The following SOS1 variants were observed in gnomAD, a reference collection of about 807,000 sequenced individuals.
The protein encoded by SOS1 is SOS Ras/Rac guanine nucleotide exchange factor 1, also known as son of sevenless homolog 1.
In SOS1, 25 loss-of-function variants were observed where a neutral mutation model predicts 157.6. The ratio of observed to expected loss-of-function variants is 0.16; its 90% CI spans 0.12 to 0.22. SOS1 has a LOEUF of 0.22. Ranked by LOEUF, SOS1 falls within the 10% of genes least tolerant of loss-of-function variation. SOS1 has a pLI of 1.00. For missense variants in SOS1, 1,237 were observed against 1,599.1 expected, an observed-to-expected ratio of 0.77 and a Z score of 3.86; for synonymous variants, 528 against 534.0, an observed-to-expected ratio of 0.99 and a Z score of 0.16.
chr2:39,018,619 A>T (rs1189348739), intron 10 of SOS1, among the ~76,000 whole-genome samples: 2 of 151,830 alleles, frequency 1.3e-5, no homozygotes, highest in Non-Finnish European at 3.0e-5. Context: ...TGGAAGTGAT[A>T]ATCCAATCCT....
chr2:39,103,211 A>G (rs1673039203), intron 1 of SOS1, among the ~76,000 whole-genome samples: 1 of 152,196 alleles, frequency 6.6e-6, no homozygotes, highest in African/African-American at 2.4e-5. Context: ...GGAAGACTTA[A>G]TATTGTTGAC....
At chr2:39,093,269 A>G (rs1306888976) in intron 1 of SOS1, among the ~76,000 whole-genome samples, 1 of 152,232 alleles carries the variant, frequency 6.6e-6, no homozygotes, top group East Asian at 1.9e-4. Context: ...CCTGAAATGC[A>G]TGATCATCTA....
intron 1 of SOS1, among the ~76,000 whole-genome samples, chr2:39,115,752 T>A (rs953804753): frequency 6.6e-6 from 1 of 152,226 alleles, no homozygotes; most frequent in African/African-American, 2.4e-5. Context: ...TGTTCCTTTT[T>A]ATTGCTGAGT....
chr2:39,015,838 A>G (rs1669614692), intron 10 of SOS1, among the ~76,000 whole-genome samples: 3 of 141,846 alleles, frequency 2.1e-5, no homozygotes, highest in Non-Finnish European at 4.5e-5. Context: ...AGGAGGGGAA[A>G]GTTCAGTAAC....
At chr2:39,003,141 C>T (rs1669167698) in intron 17 of SOS1, among the ~76,000 whole-genome samples, 1 of 150,234 alleles carries the variant, frequency 6.7e-6, no homozygotes, top group South Asian at 2.1e-4. Context: ...TTTTTTTAAA[C>T]CTCATAAGAT....
chr2:39,060,480 G>A (rs1183091555), intron 2 of SOS1, among the ~76,000 whole-genome samples: 1 of 152,178 alleles, frequency 6.6e-6, no homozygotes, highest in African/African-American at 2.4e-5. Flanking sequence ...AGGCTGGAGT[G>A]CAGTGGTGCA....
At chr2:39,023,316 C>T (rs956006193) in intron 9 of SOS1, 91 bp from the exon 10 acceptor site, 1 of 895,804 alleles carries the variant, frequency 1.1e-6, no homozygotes, top group East Asian at 2.5e-5. Flanking sequence ...TAGATTTTTA[C>T]AAGTCTCACT....
chr2:39,052,635 T>C (rs1671059914), intron 5 of SOS1, among the ~76,000 whole-genome samples: 1 of 152,232 alleles, frequency 6.6e-6, no homozygotes, highest in South Asian at 2.1e-4. Context: ...TATTTCTTTT[T>C]ATTCCTGAGT....
intron 1 of SOS1, among the ~76,000 whole-genome samples, chr2:39,095,757 G>C (rs1379992919): frequency 6.6e-6 from 1 of 152,190 alleles, no homozygotes; most frequent in Non-Finnish European, 1.5e-5. Flanking sequence ...AGGACAGAGA[G>C]GAATCATTAG....
At chr2:39,014,706 A>T in intron 11 of SOS1, 59 bp downstream of exon 11, 1 of 903,398 alleles carries the variant, frequency 1.1e-6, no homozygotes, top group Non-Finnish European at 1.8e-6. Context: ...AAAGGATCTT[A>T]GCTCAATCTC....
chr2:39,119,655 G>A lies in SOS1; in HGVS notation c.87+681C>T, dbSNP rs142856413. ...AAACATTTAAAAGCACAGATCGGGG[G>A]TATGTAACTTCAGGTAACAATGTAG... is the stretch of plus-strand genomic sequence containing the variant. On this transcript the variant is annotated intron_variant, in intron 1 of 22. Transcript: ENST00000402219. Among the ~76,000 whole-genome samples, 709 of 152,298 alleles carry A rather than the reference G, an allele frequency of 4.7e-3. 3 individuals are homozygous for A. The highest frequency in any genetic ancestry group is 7.8e-3 in the Non-Finnish European group (529 of 68,026).
intron 1 of SOS1, among the ~76,000 whole-genome samples, chr2:39,082,138 G>C (rs570576124): frequency 1.3e-5 from 2 of 152,008 alleles, no homozygotes; most frequent in African/African-American, 4.8e-5. Context: ...TCAAATACTA[G>C]GTCTTATTCA....
intron 2 of SOS1, among the ~76,000 whole-genome samples, chr2:39,064,401 A>G (rs980835594): frequency 6.6e-6 from 1 of 152,204 alleles, no homozygotes; most frequent in African/African-American, 2.4e-5. Context: ...TTTGGACCAT[A>G]GCAAATGGTG....
At chr2:39,081,365 C>A (rs1233163201) in intron 1 of SOS1, among the ~76,000 whole-genome samples, 3 of 151,536 alleles carry the variant, frequency 2.0e-5, no homozygotes, top group Non-Finnish European at 4.4e-5. Context: ...AATAAAAATA[C>A]AAAAATTAGC....
intron 2 of SOS1, 121 bp downstream of exon 2, chr2:39,067,507 C>A (rs1671629213): frequency 7.8e-6 from 7 of 893,756 alleles, no homozygotes; most frequent in Non-Finnish European, 1.3e-5. Context: ...AGAGTTAAAT[C>A]CAGGCTTCAT....
chr2:39,082,866 T>C (rs976951482), intron 1 of SOS1, among the ~76,000 whole-genome samples: 7 of 152,094 alleles, frequency 4.6e-5, no homozygotes. Flanking sequence ...GACTGGGTGG[T>C]CTTCAGTATG....
intron 17 of SOS1, among the ~76,000 whole-genome samples, chr2:39,002,475 G>T (rs1471335798): frequency 2.6e-5 from 4 of 152,180 alleles, no homozygotes; most frequent in Admixed American, 1.3e-4. Context: ...GGGTCCTGAG[G>T]TTTCTTTTCA....
intron 2 of SOS1, among the ~76,000 whole-genome samples, chr2:39,059,904 A>C (rs1671341240): frequency 6.6e-6 from 1 of 152,164 alleles, no homozygotes; most frequent in Non-Finnish European, 1.5e-5. Context: ...TGTTGAAAGA[A>C]ATTATAGCAG....
intron 1 of SOS1, among the ~76,000 whole-genome samples, chr2:39,078,032 T>C (rs1445134110): frequency 6.6e-6 from 1 of 152,056 alleles, no homozygotes; most frequent in Non-Finnish European, 1.5e-5. Flanking sequence ...ATATAACCTA[T>C]AAAGGAAATA....
Sources: gnomAD v4.1 joint callset for allele counts (sites outside exome capture counted in the v4.1 genomes callset) on GRCh38, gnomAD v4.1.1 for gene constraint, MANE v1.5 for transcripts, NCBI Gene and HGNC (gene_info 2026-07-23, HGNC 2026-07-21) for gene names.